GRIN2B: variants seen among roughly 807,000 people sequenced by gnomAD.
GRIN2B encodes glutamate ionotropic receptor NMDA type subunit 2B.
Under a neutral mutation model 114.5 loss-of-function variants are expected in GRIN2B, and 5 were observed. The observed-to-expected ratio is 0.04, with a 90% CI of 0.02 to 0.09. The LOEUF (loss-of-function observed/expected upper bound fraction) is 0.09. GRIN2B is among the 10% of genes least tolerant of loss of function. The pLI is 1.00. For missense variants in GRIN2B, 1,108 were observed against 1,943.5 expected (o/e 0.57, Z 8.08); for synonymous variants, 787 against 745.1 (o/e 1.06, Z -0.92).
chr12:13,735,450 C>A (rs929117562), intron 4 of GRIN2B, among the ~76,000 whole-genome samples: 1 of 152,216 alleles, frequency 6.6e-6, no homozygotes, highest in Non-Finnish European at 1.5e-5. Context: ...GGAAAGCATA[C>A]TGTATTTGAG....
intron 3 of GRIN2B, among the ~76,000 whole-genome samples, chr12:13,825,935 T>G (rs772791456): frequency 2.0e-5 from 3 of 152,208 alleles, no homozygotes; most frequent in Admixed American, 6.5e-5. Context: ...AGTGGCATAT[T>G]TAGGCCATTT....
intron 2 of GRIN2B, among the ~76,000 whole-genome samples, chr12:13,897,997 T>C (rs972725222): frequency 6.9e-6 from 1 of 144,702 alleles, no homozygotes; most frequent in Non-Finnish European, 1.5e-5. Flanking sequence ...TAATAATAAA[T>C]AAATAAATAA....
intron 4 of GRIN2B, among the ~76,000 whole-genome samples, chr12:13,691,803 A>T (rs1950217065): frequency 6.6e-6 from 1 of 152,320 alleles, no homozygotes; most frequent in Admixed American, 6.5e-5. Context: ...CAACCACATT[A>T]CATGTACAGA....
chr12:13,601,021 A>G (rs1373589402), intron 10 of GRIN2B, among the ~76,000 whole-genome samples: 3 of 152,228 alleles, frequency 2.0e-5, no homozygotes, highest in Admixed American at 6.5e-5. Flanking sequence ...TCCCACTGCA[A>G]GAAATACTCA....
chr12:13,892,454 T>C (rs1321927599), intron 2 of GRIN2B, among the ~76,000 whole-genome samples: 1 of 152,210 alleles, frequency 6.6e-6, no homozygotes, highest in African/African-American at 2.4e-5. Flanking sequence ...AGATTTATCC[T>C]CCCTATGCTG....
chr12:13,841,678 G>T (rs192861868), intron 3 of GRIN2B, among the ~76,000 whole-genome samples: 171 of 152,236 alleles, frequency 1.1e-3, no homozygotes, highest in Admixed American at 9.9e-3. Flanking sequence ...CTACACCAGT[G>T]CTTCCCAAAC....
intron 3 of GRIN2B, among the ~76,000 whole-genome samples, chr12:13,851,286 T>TTC (rs1263711563): frequency 1.3e-5 from 2 of 152,228 alleles, no homozygotes; most frequent in Non-Finnish European, 2.9e-5. Flanking sequence ...TTCATGGTGT[T>TTC]TCCTCCCTTC....
At chr12:13,851,417 G>C (rs2268135) in intron 3 of GRIN2B, among the ~76,000 whole-genome samples, 19,795 of 152,048 alleles carry the variant, frequency 0.13, 1,394 homozygotes, top group South Asian at 0.17. Context: ...ACCATGATGA[G>C]AAATCTCACC....
At chr12:13,572,841 A>C (rs1444045034) in intron 10 of GRIN2B, among the ~76,000 whole-genome samples, 2 of 152,194 alleles carry the variant, frequency 1.3e-5, no homozygotes, top group Non-Finnish European at 2.9e-5. Context: ...TCTTCAAGAA[A>C]TCTTCTGTGA....
chr12:13,810,088 C>T lies in GRIN2B; in HGVS notation c.411+55710G>A, dbSNP rs902624424. On this transcript the variant is annotated intron_variant, in intron 3 of 13. Transcript: ENST00000609686. ...CTCCGGGTTTTTGCTCAGACACCATCGCTTCCAAGAGACCTTCCCTACCAT... is the reference window on the plus strand; with the variant it reads ...CTCCGGGTTTTTGCTCAGACACCATTGCTTCCAAGAGACCTTCCCTACCAT... 2.0e-5 allele frequency among the ~76,000 whole-genome samples: 3 copies of T among 152,128 alleles called. No individual in the cohort carries two copies. In the East Asian group the frequency reaches 5.8e-4, roughly 29 times the overall value.
chr12:13,573,471 A>G (rs1220237481), intron 10 of GRIN2B, among the ~76,000 whole-genome samples: 1 of 149,284 alleles, frequency 6.7e-6, no homozygotes, highest in African/African-American at 2.5e-5. Flanking sequence ...TGCTTGGCAC[A>G]GCACCTGGCA....
At chr12:13,934,876 G>C (rs1867100064) in intron 2 of GRIN2B, among the ~76,000 whole-genome samples, 1 of 152,192 alleles carries the variant, frequency 6.6e-6, no homozygotes, top group Non-Finnish European at 1.5e-5. Flanking sequence ...TGTCAAGGCA[G>C]ATATGACCAG....
rs1388525573 is a variant in GRIN2B at position 13,808,748 on chromosome 12, A to ATATATAT, written c.412-54834_412-54833insATATATA. 9.1e-3 allele frequency among the ~76,000 whole-genome samples: 1,004 copies of ATATATAT among 110,230 alleles called. 15 individuals are homozygous for ATATATAT. Among genetic ancestry groups the ATATATAT allele is most frequent in the African/African-American group, 0.015 (530 of 34,428 alleles). The allele number at this position is 110,230 out of a possible 152,430, so 72.3% of individuals were successfully genotyped here. On this transcript the variant is annotated intron_variant, in intron 3 of 13. Transcript: ENST00000609686. ...CCCTAGAACTTAAAGTATAATAAAAAAAAAATATATATATATATATATACA... is the reference window on the plus strand; with the variant it reads ...CCCTAGAACTTAAAGTATAATAAAAATATATATAAAAATATATATATATATATATACA...
At chr12:13,851,498 C>T (rs926261042) in intron 3 of GRIN2B, among the ~76,000 whole-genome samples, 1 of 152,154 alleles carries the variant, frequency 6.6e-6, no homozygotes, top group Non-Finnish European at 1.5e-5. Context: ...CAGTGGTTCT[C>T]AAACTGGGAA....
At chr12:13,898,025 T>TAAATAAATAAATAAAA (rs1555154316) in intron 2 of GRIN2B, among the ~76,000 whole-genome samples, 3 of 148,800 alleles carry the variant, frequency 2.0e-5, no homozygotes, top group African/African-American at 7.4e-5. Flanking sequence ...AATAAATAAA[T>TAAATAAATAAATAAAA]AAAAAAGAAA....
intron 4 of GRIN2B, among the ~76,000 whole-genome samples, chr12:13,718,142 C>T (rs1591693813): frequency 6.6e-6 from 1 of 152,016 alleles, no homozygotes; most frequent in Non-Finnish European, 1.5e-5. Context: ...ACATCCTCCC[C>T]CAGTGCCACA....
At chr12:13,966,274 C>T (rs1230835666) in intron 2 of GRIN2B, among the ~76,000 whole-genome samples, 3 of 152,186 alleles carry the variant, frequency 2.0e-5, no homozygotes, top group Admixed American at 6.5e-5. Flanking sequence ...CACTATCAAG[C>T]TTTAGAAATG....
chr12:13,565,921 C>A (rs1274300490), intron 13 of GRIN2B, among the ~76,000 whole-genome samples: 1 of 152,082 alleles, frequency 6.6e-6, no homozygotes, highest in African/African-American at 2.4e-5. Context: ...AATTCCAAGC[C>A]TTTTTTCCTC....
At chr12:13,971,981 T>C (rs1362862608) in intron 2 of GRIN2B, among the ~76,000 whole-genome samples, 1 of 152,132 alleles carries the variant, frequency 6.6e-6, no homozygotes, top group East Asian at 1.9e-4. Flanking sequence ...CCACTAATCA[T>C]AGAACAGTTT....
Sources: gnomAD v4.1 joint callset for allele counts (sites outside exome capture counted in the v4.1 genomes callset) on GRCh38, gnomAD v4.1.1 for gene constraint, MANE v1.5 for transcripts, NCBI Gene and HGNC (gene_info 2026-07-23, HGNC 2026-07-21) for gene names.